RNLS: variants seen among roughly 807,000 people sequenced by gnomAD.
The protein encoded by RNLS is renalase, FAD dependent amine oxidase.
RNLS carries 39 observed loss-of-function variants against 39.8 expected under a neutral mutation model. The ratio of observed to expected loss-of-function variants is 0.98; its 90% CI spans 0.76 to 1.28. RNLS has a LOEUF of 1.28. Ranked by LOEUF, RNLS falls within the 50% of genes most tolerant of loss-of-function variation. The pLI is 0.00. For synonymous variants in RNLS, 147 were observed against 150.7 expected, an observed-to-expected ratio of 0.98 and a Z score of 0.18; for missense variants, 410 against 413.3, an observed-to-expected ratio of 0.99 and a Z score of 0.07.
chr10:88,220,275 T>C, the RNLS span, among the ~76,000 whole-genome samples: 29 of 152,302 alleles, frequency 1.9e-4, no homozygotes, highest in Admixed American at 1.2e-3. Flanking sequence ...TTTCCTTTGC[T>C]TGGAGTCAGC....
intron 4 of RNLS, among the ~76,000 whole-genome samples, chr10:88,503,052 A>AC (rs1444825250): frequency 6.6e-6 from 1 of 152,030 alleles, no homozygotes; most frequent in East Asian, 1.9e-4. Context: ...ATCTATCACT[A>AC]CCCATGTCCC....
intron 4 of RNLS, among the ~76,000 whole-genome samples, chr10:88,425,965 T>G (rs1854726789): frequency 6.6e-6 from 1 of 152,020 alleles, no homozygotes; most frequent in Non-Finnish European, 1.5e-5. Context: ...TAGAATAGAA[T>G]GCACAAGTGT....
intron 4 of RNLS, among the ~76,000 whole-genome samples, chr10:88,455,721 A>G (rs1379725850): frequency 6.6e-6 from 1 of 152,066 alleles, no homozygotes; most frequent in Non-Finnish European, 1.5e-5. Flanking sequence ...TTAATTTTAA[A>G]TCCTCCCTTT....
At chr10:88,471,045 G>A (rs1360891274) in intron 4 of RNLS, among the ~76,000 whole-genome samples, 1 of 152,032 alleles carries the variant, frequency 6.6e-6, no homozygotes, top group Non-Finnish European at 1.5e-5. Flanking sequence ...TCTTAGCCCT[G>A]TAATCTCATT....
intron 5 of RNLS, among the ~76,000 whole-genome samples, chr10:88,358,350 C>A (rs1170493189): frequency 6.6e-6 from 1 of 152,138 alleles, no homozygotes; most frequent in African/African-American, 2.4e-5. Flanking sequence ...AAGGTGACAT[C>A]AAGTCAGGGT....
intron 4 of RNLS, among the ~76,000 whole-genome samples, chr10:88,421,795 A>G (rs1436420299): frequency 1.3e-5 from 2 of 152,176 alleles, no homozygotes; most frequent in Admixed American, 1.3e-4. Flanking sequence ...AGTCTGATCC[A>G]CTGTCCCAAT....
chr10:88,365,540 C>T (rs1221778139), intron 4 of RNLS, among the ~76,000 whole-genome samples: 1 of 148,082 alleles, frequency 6.8e-6, no homozygotes, highest in Non-Finnish European at 1.5e-5. Flanking sequence ...CACACACACA[C>T]ACACACACAC....
intron 5 of RNLS, among the ~76,000 whole-genome samples, chr10:88,341,348 A>C (rs1357511128): frequency 1.3e-5 from 2 of 151,540 alleles, no homozygotes; most frequent in African/African-American, 4.8e-5. Flanking sequence ...AAAAAAAAAA[A>C]AAGAATGAGA....
At position 88,413,944 on chromosome 10, in the gene RNLS, A is replaced by G. The variant is rs917413140; in HGVS notation, c.527-51219T>C. On this transcript the variant is annotated intron_variant, in intron 4 of 6. Coordinates refer to ENST00000331772, the MANE Select transcript of RNLS (RefSeq NM_001031709.3). ...AATTTTATCTTTTGTACCAAAAATA[A>G]ACAGCCTTCACAATCACATCTGTAC... is the stretch of plus-strand genomic sequence containing the variant. Among the ~76,000 whole-genome samples the G allele has an allele frequency of 4.6e-5, 7 of 152,320 alleles. No individual in the cohort carries two copies. The East Asian group carries it at 1.2e-3, about 25-fold the overall frequency.
chr10:88,510,914 T>C (rs990472392), intron 4 of RNLS, among the ~76,000 whole-genome samples: 1 of 149,926 alleles, frequency 6.7e-6, no homozygotes, highest in Admixed American at 6.7e-5. Context: ...AATACTAATA[T>C]ATTAATTAGT....
At chr10:88,548,186 C>T (rs1291927975) in intron 4 of RNLS, among the ~76,000 whole-genome samples, 3 of 132,930 alleles carry the variant, frequency 2.3e-5, no homozygotes, top group Admixed American at 8.6e-5. Flanking sequence ...TGCTTGAACC[C>T]GGGAGGCGGA....
chr10:88,374,863 A>G (rs1490143718), intron 4 of RNLS, among the ~76,000 whole-genome samples: 2 of 152,066 alleles, frequency 1.3e-5, no homozygotes, highest in Non-Finnish European at 2.9e-5. Context: ...ACTTACCCCC[A>G]GCTCAGGCAG....
rs370722806 is a variant in RNLS at position 88,315,779 on chromosome 10, C to CT, written c.701-1139dup. On this transcript the variant is annotated intron_variant, in intron 5 of 6. Transcript: ENST00000331772. ...AATGAGAATAAGTTAGTAGCCACCA[C>CT]TTTTTTTTTTTAATGAGAATAAGTT... Among the ~76,000 whole-genome samples, 644 of 138,830 alleles carry CT rather than the reference C, an allele frequency of 4.6e-3. 3 individuals are homozygous for CT. Among genetic ancestry groups the CT allele is most frequent in the African/African-American group, 0.011 (414 of 38,116 alleles). 91.1% of individuals were successfully genotyped at this position (138,830 alleles called of 152,430 possible). A position where few individuals can be genotyped will look rare whatever the true frequency, so the allele number is the denominator to read the frequency against.
chr10:88,418,977 A>G (rs906991370), intron 4 of RNLS, among the ~76,000 whole-genome samples: 3 of 152,160 alleles, frequency 2.0e-5, no homozygotes, highest in Non-Finnish European at 2.9e-5. Flanking sequence ...AGCCTGGCCT[A>G]CTTTCTCCTG....
intron 4 of RNLS, among the ~76,000 whole-genome samples, chr10:88,398,722 G>C (rs577865332): frequency 4.5e-4 from 68 of 152,112 alleles, no homozygotes; most frequent in Non-Finnish European, 8.1e-4. Context: ...TCAGGACCTT[G>C]GCTTAGGCAA....
intron 4 of RNLS, among the ~76,000 whole-genome samples, chr10:88,448,219 G>A (rs1043915638): frequency 3.3e-5 from 5 of 152,122 alleles, no homozygotes; most frequent in Non-Finnish European, 5.9e-5. Context: ...GAGTGAACAG[G>A]CAACCTACAG....
chr10:88,521,513 T>C (rs189745741), intron 4 of RNLS, among the ~76,000 whole-genome samples: 85 of 152,056 alleles, frequency 5.6e-4, no homozygotes, highest in Non-Finnish European at 1.1e-3. Flanking sequence ...CTAAGGCAGG[T>C]GATAATTAGA....
At chr10:88,343,715 A>G in intron 5 of RNLS, 1 of 985,280 alleles carries the variant, frequency 1.0e-6, no homozygotes, top group Non-Finnish European at 1.2e-6. Context: ...TTGGGAGAAG[A>G]TTTTCTTTGG....
chr10:88,266,138 G>C, the RNLS span, among the ~76,000 whole-genome samples: 1 of 152,148 alleles, frequency 6.6e-6, no homozygotes. Flanking sequence ...TTTTTTACCA[G>C]GCTGGCTAGT....
Sources: allele counts gnomAD v4.1 joint callset (sites outside exome capture counted in the v4.1 genomes callset), GRCh38; gene constraint gnomAD v4.1.1; transcripts MANE v1.5; gene names NCBI Gene and HGNC (gene_info 2026-07-23, HGNC 2026-07-21).